Variants in SOAT1 observed in about 807,000 individuals in gnomAD.
SOAT1 encodes sterol O-acyltransferase 1.
Under a neutral mutation model 69.5 loss-of-function variants are expected in SOAT1, and 55 were observed. That is an observed-to-expected ratio of 0.79 (90% CI 0.64 to 0.99). The LOEUF (loss-of-function observed/expected upper bound fraction) is 0.99, where lower values mean the gene tolerates loss of function less well. SOAT1 is among the 50% of genes least tolerant of loss of function. The pLI, the probability that SOAT1 is intolerant of heterozygous loss-of-function variation, is 0.00. For missense variants in SOAT1, 580 were observed against 669.3 expected, an observed-to-expected ratio of 0.87 and a Z score of 1.47; for synonymous variants, 231 against 224.7, an observed-to-expected ratio of 1.03 and a Z score of -0.25.
At chr1:179,314,937 A>T (rs1406939560) in intron 2 of SOAT1, among the ~76,000 whole-genome samples, 1 of 152,200 alleles carries the variant, frequency 6.6e-6, no homozygotes, top group Admixed American at 6.5e-5. Context: ...AAGGGAAAAA[A>T]TGTTGAATAG....
intron 6 of SOAT1, among the ~76,000 whole-genome samples, 174 bp from the exon 7 acceptor site, chr1:179,340,854 T>C (rs12040702): frequency 0.27 from 40,276 of 151,378 alleles, 5,515 homozygotes; most frequent in East Asian, 0.46. Flanking sequence ...GTAAAGCAGA[T>C]GGTTAGAAGC....
chr1:179,345,470 G>A (rs1666495566), intron 11 of SOAT1, among the ~76,000 whole-genome samples: 1 of 152,110 alleles, frequency 6.6e-6, no homozygotes, highest in African/African-American at 2.4e-5. Context: ...CCAGTGGATG[G>A]ATTAAGATGT....
intron 2 of SOAT1, among the ~76,000 whole-genome samples, chr1:179,318,951 C>T (rs1359140241): frequency 2.6e-5 from 4 of 152,066 alleles, no homozygotes; most frequent in African/African-American, 9.7e-5. Context: ...TTTTATTTCT[C>T]TTGTGTATAT....
intron 2 of SOAT1, among the ~76,000 whole-genome samples, chr1:179,306,628 C>G (rs1472438778): frequency 1.3e-5 from 2 of 151,868 alleles, no homozygotes; most frequent in Non-Finnish European, 2.9e-5. Flanking sequence ...GTCAGGAGAT[C>G]AAGACCATCC....
rs181315834 is a variant in SOAT1, at chr1:179,320,741, T to C, written c.119-2696T>C. Among the ~76,000 whole-genome samples, 6 of 152,206 alleles carry C rather than the reference T, an allele frequency of 3.9e-5. No individual in the cohort carries two copies. In the East Asian group the frequency reaches 9.6e-4, roughly 24 times the overall value. ...TCACATTCTTTTATTTTATTTTACT[T>C]ATTTATTTTTTTGAGACAGAGTCTC... is the stretch of plus-strand genomic sequence containing the variant. On this transcript the variant is annotated intron_variant, in intron 2 of 15. Transcript: ENST00000367619.
chr1:179,316,813 T>C (rs959466499), intron 2 of SOAT1, among the ~76,000 whole-genome samples: 6 of 152,244 alleles, frequency 3.9e-5, no homozygotes, highest in South Asian at 4.1e-4. Context: ...TGTATAGAGC[T>C]CTGATTAGAT....
At position 179,306,830 on chromosome 1, in the gene SOAT1, C is replaced by CAAA. The variant is rs11461908; in HGVS notation, c.118+4046_118+4048dup. ...TGGGCAACAGTGTGAGACTCCATCTCAAAAAAAAAAAAAAAAAAAAGCAGC... is the reference window on the plus strand; with the variant it reads ...TGGGCAACAGTGTGAGACTCCATCTCAAAAAAAAAAAAAAAAAAAAAAAGCAGC... On this transcript the variant is annotated intron_variant, in intron 2 of 15. Transcript: ENST00000367619. Among the ~76,000 whole-genome samples the CAAA allele has an allele frequency of 1.6e-3, 152 of 95,796 alleles. 1 individual carries two copies. The highest frequency in any genetic ancestry group is 3.1e-3 in the East Asian group (11 of 3,536). The allele number at this position is 95,796 out of a possible 152,430, so 62.8% of individuals were successfully genotyped here.
chr1:179,314,311 G>T (rs555986442), intron 2 of SOAT1, among the ~76,000 whole-genome samples: 235 of 152,262 alleles, frequency 1.5e-3, no homozygotes, highest in African/African-American at 5.4e-3. Flanking sequence ...TATATAAATT[G>T]AGTAAATTAG....
chr1:179,355,348 A>T lies in SOAT1; in HGVS notation c.*1707A>T, dbSNP rs1007660385. ...TGCATTTTAAATATATTGGGGACAG[A>T]TTGCGCTGAGACCTGGTTATGAGCA... On this transcript the variant is annotated 3_prime_UTR_variant, in exon 16 of 16. Transcript: ENST00000367619. 9 of 152,166 alleles carry T rather than the reference A, an allele frequency of 5.9e-5. No homozygotes were observed. The highest frequency in any genetic ancestry group is 1.7e-4 in the African/African-American group (7 of 41,444). 9.4% of individuals were successfully genotyped at this position (152,166 alleles called of 1,614,324 possible).
chr1:179,353,234 G>A (rs540763245), intron 15 of SOAT1, among the ~76,000 whole-genome samples: 10 of 14,278 alleles, frequency 7.0e-4, no homozygotes, highest in South Asian at 6.8e-3. Flanking sequence ...TCTATTTGTC[G>A]TCCTTAACCA....
chr1:179,295,673 T>C (rs561069402), intron 1 of SOAT1, among the ~76,000 whole-genome samples: 2 of 152,356 alleles, frequency 1.3e-5, no homozygotes, highest in South Asian at 4.1e-4. Context: ...TCAAGTGAAT[T>C]TTAATACAGT....
intron 3 of SOAT1, among the ~76,000 whole-genome samples, chr1:179,330,730 C>T (rs1665942908): frequency 6.6e-6 from 1 of 152,210 alleles, no homozygotes; most frequent in Non-Finnish European, 1.5e-5. Flanking sequence ...TTTGCAAAGG[C>T]AGTTTCACAT....
rs55761300 is a variant in SOAT1, at chr1:179,295,805, A to AT, written c.-9+1886dup. Among the ~76,000 whole-genome samples, 772 of 130,342 alleles carry AT rather than the reference A, an allele frequency of 5.9e-3. 6 individuals carry two copies. Among genetic ancestry groups the AT allele is most frequent in the Non-Finnish European group, 9.4e-3 (576 of 61,254 alleles). 85.5% of individuals were successfully genotyped at this position (130,342 alleles called of 152,430 possible). ...AGGCGTGTCCCAGTACGCCCGGCTA[A>AT]TTTTTTTTTTTTTTTTTGAGATGGA... On this transcript the variant is annotated intron_variant, in intron 1 of 15. Coordinates refer to ENST00000367619, the MANE Select transcript of SOAT1 (RefSeq NM_003101.6).
chr1:179,322,015 G>T (rs1040817802), intron 2 of SOAT1, among the ~76,000 whole-genome samples: 3 of 151,826 alleles, frequency 2.0e-5, no homozygotes, highest in Admixed American at 6.6e-5. Flanking sequence ...CCAGGTAGCT[G>T]GGACTACAGG....
intron 2 of SOAT1, among the ~76,000 whole-genome samples, chr1:179,316,307 G>A (rs113994412): frequency 0.017 from 2,525 of 150,662 alleles, 79 homozygotes; most frequent in African/African-American, 0.058. Flanking sequence ...CAGTACTTGC[G>A]TAGTTGATAT....
chr1:179,304,236 G>A (rs574543431), intron 2 of SOAT1, among the ~76,000 whole-genome samples: 7 of 151,560 alleles, frequency 4.6e-5, no homozygotes, highest in African/African-American at 1.7e-4. Flanking sequence ...TTACGGGCGT[G>A]AGCCACCGTG....
At position 179,322,708 on chromosome 1, in the gene SOAT1, A is replaced by T. The variant is rs144236609; in HGVS notation, c.119-729A>T. On this transcript the variant is annotated intron_variant, in intron 2 of 15. Coordinates refer to ENST00000367619, the MANE Select transcript of SOAT1 (RefSeq NM_003101.6). The stretch of plus-strand genomic sequence containing the variant: ...TAGATAGTGTGAATTTAGATTGCAA[A>T]CACTAGTGAGGGGGTTATGATTTCT... 3.3e-5 allele frequency among the ~76,000 whole-genome samples: 5 copies of T among 152,250 alleles called. No homozygotes were observed. The East Asian group carries it at 9.6e-4, about 29-fold the overall frequency.
chr1:179,343,869 TC>T (rs1666428069), intron 10 of SOAT1, among the ~76,000 whole-genome samples: 1 of 152,238 alleles, frequency 6.6e-6, no homozygotes, highest in African/African-American at 2.4e-5. Context: ...GCGCCTGTAA[TC>T]CCAGCACTTT....
At chr1:179,322,404 ACAGAGT>A in intron 2 of SOAT1, among the ~76,000 whole-genome samples, 1 of 150,336 alleles carries the variant, frequency 6.7e-6, no homozygotes, top group South Asian at 2.1e-4. Flanking sequence ...TTTTTTTGAG[ACAGAGT>A]CTCACTCTGT....
Sources: allele counts gnomAD v4.1 joint callset (sites outside exome capture counted in the v4.1 genomes callset), GRCh38; gene constraint gnomAD v4.1.1; transcripts MANE v1.5; gene names NCBI Gene and HGNC (gene_info 2026-07-23, HGNC 2026-07-21).